The following CUX2 variants were observed in gnomAD, a reference collection of about 807,000 sequenced individuals.
CUX2 encodes the protein homeobox protein cut-like 2.
Under a neutral mutation model 144.8 loss-of-function variants are expected in CUX2, and 40 were observed. The ratio of observed to expected loss-of-function variants is 0.28; its 90% CI spans 0.21 to 0.36. The LOEUF (loss-of-function observed/expected upper bound fraction) is 0.36, where lower values mean the gene tolerates loss of function less well. CUX2 is among the 10% of genes least tolerant of loss of function. The pLI is 1.00. For synonymous variants in CUX2, 827 were observed against 875.6 expected (o/e 0.94, Z 0.98); for missense variants, 1,615 against 1,994.0 (o/e 0.81, Z 3.62).
intron 1 of CUX2, among the ~76,000 whole-genome samples, chr12:111,050,172 T>A (rs1283595373): frequency 2.3e-5 from 3 of 132,912 alleles, no homozygotes; most frequent in East Asian, 2.5e-4. Flanking sequence ...CAGAGCCCCC[T>A]CTTGGCCCTC....
intron 3 of CUX2, among the ~76,000 whole-genome samples, chr12:111,254,121 T>C (rs1032474569): frequency 6.6e-6 from 1 of 151,998 alleles, no homozygotes; most frequent in African/African-American, 2.4e-5. Context: ...AAGCTAGCAT[T>C]CCTGCAGCCC....
chr12:111,118,320 T>A (rs957489071), intron 1 of CUX2, among the ~76,000 whole-genome samples: 32 of 152,180 alleles, frequency 2.1e-4, no homozygotes, highest in Admixed American at 1.9e-3. Flanking sequence ...TAAGGTTATT[T>A]ACATCCACCA....
At chr12:111,239,605 T>A (rs1882922143) in intron 3 of CUX2, among the ~76,000 whole-genome samples, 1 of 152,228 alleles carries the variant, frequency 6.6e-6, no homozygotes, top group Non-Finnish European at 1.5e-5. Context: ...AAGTTTATCA[T>A]CGAAAATGGC....
rs144863712 is a variant in CUX2, at chr12:111,059,028, C to T, written c.63+24788C>T. Among the ~76,000 whole-genome samples the T allele has an allele frequency of 1.3e-5, 2 of 152,358 alleles. No homozygotes were observed. The highest frequency in any genetic ancestry group is 3.9e-4 in the East Asian group (2 of 5,192). On this transcript the variant is annotated intron_variant, in intron 1 of 21. Coordinates refer to ENST00000261726, the MANE Select transcript of CUX2 (RefSeq NM_015267.4). The surrounding 1 kb of genome is among the most constrained non-coding windows in gnomAD (Gnocchi z 5.3). Reference sequence around the variant, plus strand: ...TTCTCCAAATATTGGGATATCTGGACACTCCCAAGTCTGGGTGTGTTTAGT... The same window carrying T: ...TTCTCCAAATATTGGGATATCTGGATACTCCCAAGTCTGGGTGTGTTTAGT...
At chr12:111,076,485 G>A (rs1871543544) in intron 1 of CUX2, among the ~76,000 whole-genome samples, 1 of 152,208 alleles carries the variant, frequency 6.6e-6, no homozygotes, top group Non-Finnish European at 1.5e-5. Context: ...CCAGGAAGTG[G>A]CAGAGCCGGG....
intron 1 of CUX2, among the ~76,000 whole-genome samples, chr12:111,075,041 C>A (rs997097808): frequency 3.3e-5 from 5 of 152,186 alleles, no homozygotes; most frequent in Non-Finnish European, 7.3e-5. Context: ...CCAGGCCTGG[C>A]CGAGTCACAC....
chr12:111,344,401 G>A (rs1888708307), intron 21 of CUX2, among the ~76,000 whole-genome samples: 1 of 152,218 alleles, frequency 6.6e-6, no homozygotes, highest in African/African-American at 2.4e-5. Flanking sequence ...GGACTTTACA[G>A]AAGTGGTATT....
intron 1 of CUX2, among the ~76,000 whole-genome samples, chr12:111,106,961 A>T (rs1873647188): frequency 6.6e-6 from 1 of 152,216 alleles, no homozygotes; most frequent in Non-Finnish European, 1.5e-5. Context: ...GGGTTGCTGG[A>T]CAGGCTGTGT....
Position 111,254,549 on chromosome 12 carries a change from A to C in CUX2, c.223-9212A>C, listed in dbSNP as rs147795697. 9.8e-4 allele frequency among the ~76,000 whole-genome samples: 150 copies of C among 152,370 alleles called. 1 individual carries two copies. The highest frequency in any genetic ancestry group is 3.5e-3 in the African/African-American group (147 of 41,580). On this transcript the variant is annotated intron_variant, in intron 3 of 21. Transcript: ENST00000261726. ...ACTTCCACCTGTGAGTTCAGAATGA[A>C]TTAGTGACTTACACCTGTGAATTCA...
chr12:111,309,674 T>C (rs1886777125), intron 14 of CUX2, among the ~76,000 whole-genome samples: 1 of 149,852 alleles, frequency 6.7e-6, no homozygotes, highest in African/African-American at 2.5e-5. Flanking sequence ...TCTCTGTCTC[T>C]TCCCCCCCGA....
intron 1 of CUX2, among the ~76,000 whole-genome samples, chr12:111,121,034 C>T (rs1163393739): frequency 6.6e-6 from 1 of 150,396 alleles, no homozygotes; most frequent in African/African-American, 2.5e-5. Context: ...AAGGGTTCTA[C>T]GCTTGGGCTG....
intron 10 of CUX2, among the ~76,000 whole-genome samples, chr12:111,306,015 G>A (rs182850291): frequency 3.9e-5 from 6 of 152,218 alleles, no homozygotes; most frequent in South Asian, 2.1e-4. Flanking sequence ...CCTGGGTGAC[G>A]GCATAACACA....
intron 1 of CUX2, among the ~76,000 whole-genome samples, chr12:111,145,232 T>A (rs1876592103): frequency 6.6e-6 from 1 of 152,216 alleles, no homozygotes; most frequent in Admixed American, 6.5e-5. Flanking sequence ...GCAGGATTTC[T>A]TTACTCTGTC....
chr12:111,046,730 T>C (rs1397620514), intron 1 of CUX2, among the ~76,000 whole-genome samples: 1 of 152,132 alleles, frequency 6.6e-6, no homozygotes, highest in African/African-American at 2.4e-5. Context: ...AATCTCGGCT[T>C]ACTGCAACCT....
intron 21 of CUX2, among the ~76,000 whole-genome samples, chr12:111,343,413 AAC>A (rs1166811683): frequency 4.6e-5 from 7 of 152,216 alleles, no homozygotes; most frequent in African/African-American, 1.7e-4. Flanking sequence ...ATCTCTGAGG[AAC>A]ATCCCCCACC....
chr12:111,333,910 A>G (rs2136432543), intron 18 of CUX2, among the ~76,000 whole-genome samples: 1 of 152,066 alleles, frequency 6.6e-6, no homozygotes, highest in Middle Eastern at 3.4e-3. Context: ...AGCATCGGCC[A>G]GGTGTGGTGG....
At chr12:111,286,744 C>T (rs1163246559) in intron 4 of CUX2, among the ~76,000 whole-genome samples, 1 of 152,096 alleles carries the variant, frequency 6.6e-6, no homozygotes, top group Non-Finnish European at 1.5e-5. Flanking sequence ...ATGGTGGTAG[C>T]TGTAGTCCCA....
intron 3 of CUX2, among the ~76,000 whole-genome samples, chr12:111,226,672 C>T (rs917665817): frequency 6.6e-6 from 1 of 151,924 alleles, no homozygotes; most frequent in African/African-American, 2.4e-5. Context: ...CTAGAATTCT[C>T]GCGCTTTATT....
chr12:111,210,813 C>A (rs186695661), intron 1 of CUX2, among the ~76,000 whole-genome samples: 1 of 104,148 alleles, frequency 9.6e-6, no homozygotes, highest in African/African-American at 3.9e-5. Context: ...AAAAAAAAGA[C>A]AACATTTATT....
Sources: gnomAD v4.1 joint callset for allele counts (sites outside exome capture counted in the v4.1 genomes callset) on GRCh38, gnomAD v4.1.1 for gene constraint, Gnocchi (gnomAD v3.1) non-coding constraint, MANE v1.5 for transcripts, NCBI Gene and HGNC (gene_info 2026-07-23, HGNC 2026-07-21) for gene names.